TKTL1: variants seen among roughly 807,000 people sequenced by gnomAD.
TKTL1 encodes the protein transketolase-like protein 1.
In TKTL1, 1 loss-of-function variant was observed where a neutral mutation model predicts 39.3. That is an observed-to-expected ratio of 0.03 (90% CI 0.01 to 0.12). The LOEUF is 0.12. Ranked by LOEUF, TKTL1 falls within the 10% of genes least tolerant of loss-of-function variation. The pLI is 1.00. For synonymous variants in TKTL1, 262 were observed against 193.8 expected (o/e 1.35, Z -2.92); for missense variants, 575 against 509.6 (o/e 1.13, Z -1.24).
intron 5 of TKTL1, among the ~76,000 whole-genome samples, 174 bp from the exon 6 acceptor site, chrX:154,312,406 C>A (rs1461806358): frequency 8.9e-6 from 1 of 112,361 alleles, no homozygotes; most frequent in Non-Finnish European, 1.9e-5. Context: ...GCCTCAGGGC[C>A]TTTGTCCAAG....
chrX:154,327,847 A>C lies in TKTL1; in HGVS notation c.1507A>C (p.Ile503Leu). ...ADELSKQDIF[I>L]RVIDLFTIKP... ...TTTTTGCTGTTCTGCAGATATTTTT[A>C]TCCGTGTCATCGACCTGTTTACCAT... The change falls in exon 12 of 13, where the codon ATC becomes CTC. Residue 503 changes from isoleucine (I) to leucine (L), a missense_variant. By Grantham distance (5) the Ile-to-Leu change is conservative. Transcript: ENST00000369915. 8.3e-7 allele frequency: 1 copy of C among 1,210,926 alleles called. No homozygotes were observed. Among genetic ancestry groups the C allele is most frequent in the Non-Finnish European group, 1.1e-6 (1 of 895,267 alleles).
At chrX:154,304,767 T>C (rs1381929689) in intron 1 of TKTL1, among the ~76,000 whole-genome samples, 4 of 110,094 alleles carry the variant, frequency 3.6e-5, no homozygotes, top group Admixed American at 9.7e-5. Context: ...CCTGCTGTCT[T>C]GTCCCCTCCC....
intron 7 of TKTL1, among the ~76,000 whole-genome samples, chrX:154,319,058 G>A (rs1921741475): frequency 9.0e-6 from 1 of 111,208 alleles, no homozygotes; most frequent in Admixed American, 9.6e-5. Flanking sequence ...GAGTATACTT[G>A]TAGTTTGAAT....
intron 12 of TKTL1, among the ~76,000 whole-genome samples, chrX:154,328,616 T>C (rs1226099714): frequency 1.2e-5 from 1 of 85,440 alleles, no homozygotes; most frequent in Non-Finnish European, 2.2e-5. Flanking sequence ...AAAGCAGGTA[T>C]AGCAGAGAAC....
At chrX:154,307,392 A>G (rs1377131765) in intron 2 of TKTL1, among the ~76,000 whole-genome samples, 1 of 112,029 alleles carries the variant, frequency 8.9e-6, no homozygotes, top group African/African-American at 3.2e-5. Context: ...GAGAAAACAC[A>G]TGAAGCATAG....
intron 3 of TKTL1, among the ~76,000 whole-genome samples, chrX:154,309,842 C>G (rs1220132218): frequency 9.0e-6 from 1 of 110,809 alleles, no homozygotes; most frequent in African/African-American, 3.3e-5. Flanking sequence ...TCAAGTGATT[C>G]TCCTGCCTCA....
Position 154,327,662 on chromosome X carries a change from A to G in TKTL1, c.1473A>G (p.Ala491=). The change falls in exon 11 of 13, where the codon GCA becomes GCG. Residue 491 remains alanine, a synonymous_variant. Coordinates refer to ENST00000369915, the MANE Select transcript of TKTL1 (RefSeq NM_012253.4). ...GAGITVYEAL[A]AADELSKQDI... ...GAATTACTGTGTATGAAGCCTTAGC[A>G]GCTGCTGATGAGCTTTCGAAACAAG... 1.7e-6 allele frequency: 2 copies of G among 1,211,369 alleles called. No homozygotes were observed. Among genetic ancestry groups the G allele is most frequent in the Non-Finnish European group, 2.2e-6 (2 of 895,016 alleles).
At chrX:154,305,022 C>T (rs1197239053) in intron 1 of TKTL1, 1 of 1,071,736 alleles carries the variant, frequency 9.3e-7, no homozygotes, top group African/African-American at 1.9e-5. Context: ...TGAATTTAAG[C>T]ATGTGAAAGA....
At chrX:154,312,216 T>G (rs1411938237) in intron 5 of TKTL1, among the ~76,000 whole-genome samples, 1 of 112,483 alleles carries the variant, frequency 8.9e-6, no homozygotes, top group Non-Finnish European at 1.9e-5. Flanking sequence ...CACTCACCAG[T>G]GGCCCTCAGG....
In TKTL1 at chrX:154,325,364, G is replaced by A. The variant is rs371034985; in HGVS notation, c.1343G>A (p.Arg448Gln). Residue 448 changes from arginine to glutamine, a missense_variant, in exon 10 of 13, where the codon CGA (arginine) becomes CAA (glutamine). Transcript: ENST00000369915. Reference sequence around the variant, plus strand: ...GGGATGTGCTTCATTCGGACCACCCGACCAGAAACTATGGTTATTTACACC... The same window carrying A: ...GGGATGTGCTTCATTCGGACCACCCAACCAGAAACTATGGTTATTTACACC... ...AKGMCFIRTT[R>Q]PETMVIYTPQ... The A allele has an allele frequency of 4.5e-5, 54 of 1,210,181 alleles. No individual in the cohort carries two copies. The highest frequency in any genetic ancestry group is 1.4e-4 in the South Asian group (8 of 56,870).
chrX:154,300,881 CAA>C (rs781859104), intron 1 of TKTL1, among the ~76,000 whole-genome samples: 43 of 109,620 alleles, frequency 3.9e-4, no homozygotes, highest in Non-Finnish European at 6.7e-4. Flanking sequence ...TTGGTAGAGA[CAA>C]AGTTTCACCA....
Position 154,315,334 on chromosome X carries a change from C to T in TKTL1, c.1026C>T (p.Asn342=), listed in dbSNP as rs1433329766. Reference sequence around the variant, plus strand: ...TCGAGTGCTTTATGGCTGAACAAAACATGGTGAGTGTGTAGTGTCTCTCAG... The same window carrying T: ...TCGAGTGCTTTATGGCTGAACAAAATATGGTGAGTGTGTAGTGTCTCTCAG... ...RFIECFMAEQ[N]MVSVALGCAS... The change falls in exon 7 of 13, where the codon AAC becomes AAT. Residue 342 remains asparagine (N), a synonymous_variant. Transcript: ENST00000369915. The T allele has an allele frequency of 3.7e-5, 45 of 1,205,840 alleles. No individual in the cohort carries two copies. The highest frequency in any genetic ancestry group is 5.0e-5 in the Non-Finnish European group (45 of 892,718).
At chrX:154,298,032 A>ACTAGT (rs1159417470) in intron 1 of TKTL1, among the ~76,000 whole-genome samples, 1 of 111,532 alleles carries the variant, frequency 9.0e-6, no homozygotes, top group African/African-American at 3.3e-5. Context: ...TAGTCTCCTT[A>ACTAGT]CTAGTTAGTT....
chrX:154,318,787 T>G (rs1438937407), intron 7 of TKTL1, among the ~76,000 whole-genome samples: 1 of 107,130 alleles, frequency 9.3e-6, no homozygotes, highest in Admixed American at 1.0e-4. Flanking sequence ...AAAAAAAAAA[T>G]TCATGCCAAG....
chrX:154,296,861 C>A (rs782651593), intron 1 of TKTL1, among the ~76,000 whole-genome samples: 6 of 111,700 alleles, frequency 5.4e-5, no homozygotes, highest in African/African-American at 1.6e-4. Context: ...CAAAATGTTA[C>A]AAAAATTAGC....
At position 154,312,584 on chromosome X, in the gene TKTL1, T is replaced by C. The variant is rs1557168573; in HGVS notation, c.675T>C (p.Ile225=). The C allele has an allele frequency of 1.7e-6, 2 of 1,207,994 alleles. No homozygotes were observed. The highest frequency in any genetic ancestry group is 2.2e-5 in the Admixed American group (1 of 45,726). The part of the protein sequence containing the change: ...KTFKGRGTPS[I]EDAESWHAKP... Reference sequence around the variant, plus strand: ...CTTTTGTTTGTTTCATTACAGGTATTGAGGATGCAGAAAGTTGGCATGCAA... The same window carrying C: ...CTTTTGTTTGTTTCATTACAGGTATCGAGGATGCAGAAAGTTGGCATGCAA... Residue 225 remains isoleucine, a synonymous_variant, in exon 6 of 13, where the codon ATT becomes ATC. Coordinates refer to ENST00000369915, the MANE Select transcript of TKTL1 (RefSeq NM_012253.4).
intron 1 of TKTL1, among the ~76,000 whole-genome samples, chrX:154,297,782 C>G (rs949354486): frequency 9.0e-6 from 1 of 110,519 alleles, no homozygotes; most frequent in Non-Finnish European, 1.9e-5. Context: ...CAGAATGTTA[C>G]AAAAATTAGC....
At chrX:154,320,298 G>A (rs916680424) in intron 7 of TKTL1, 3 of 125,376 alleles carry the variant, frequency 2.4e-5, no homozygotes, top group African/African-American at 6.3e-5. Context: ...CTGCGAAGGA[G>A]AACACAGATG....
Position 154,301,182 on chromosome X carries a change from C to T in TKTL1, c.135-4122C>T, listed in dbSNP as rs143705202. 7.9e-3 allele frequency among the ~76,000 whole-genome samples: 873 copies of T among 110,950 alleles called. 3 individuals carry two copies. The highest frequency in any genetic ancestry group is 0.027 in the African/African-American group (822 of 30,431). On this transcript the variant is annotated intron_variant, in intron 1 of 12. Coordinates refer to ENST00000369915, the MANE Select transcript of TKTL1 (RefSeq NM_012253.4). ...TCTATTATTGATTTCTAACCTCATC[C>T]CATTGTGGTTAGAGAAAATACTTAG...
Sources: gnomAD v4.1 joint callset for allele counts (sites outside exome capture counted in the v4.1 genomes callset) on GRCh38, gnomAD v4.1.1 for gene constraint, MANE v1.5 for transcripts, NCBI Gene and HGNC (gene_info 2026-07-23, HGNC 2026-07-21) for gene names.